LRFN5: variants seen among roughly 807,000 people sequenced by gnomAD.
LRFN5 encodes leucine-rich repeat and fibronectin type-III domain-containing protein 5.
A neutral mutation model predicts 45.6 loss-of-function variants in LRFN5; 24 were observed. That is an observed-to-expected ratio of 0.53 (90% CI 0.38 to 0.74). LRFN5 has a LOEUF of 0.74. LRFN5 is among the 30% of genes least tolerant of loss of function. LRFN5 has a pLI of 0.00. For missense variants in LRFN5, 776 were observed against 861.5 expected (o/e 0.90, Z 1.24); for synonymous variants, 340 against 313.8 (o/e 1.08, Z -0.88).
chr14:41,651,713 A>C (rs1386416980), intron 1 of LRFN5, among the ~76,000 whole-genome samples: 2 of 152,202 alleles, frequency 1.3e-5, no homozygotes, highest in African/African-American at 4.8e-5. Context: ...TACTAAGCAA[A>C]GCATACTATA....
At chr14:41,859,081 A>G (rs561307038) in intron 2 of LRFN5, among the ~76,000 whole-genome samples, 1 of 152,284 alleles carries the variant, frequency 6.6e-6, no homozygotes, top group East Asian at 1.9e-4. Flanking sequence ...GACTTGTAGC[A>G]TTTATGAATT....
intron 1 of LRFN5, among the ~76,000 whole-genome samples, chr14:41,673,294 G>C (rs920330373): frequency 6.6e-6 from 1 of 151,630 alleles, no homozygotes. Context: ...AGGGGCAGCC[G>C]GGCAGAGGCG....
chr14:41,752,167 A>T lies in LRFN5; in HGVS notation c.-196-14687A>T, dbSNP rs570328177. On this transcript the variant is annotated intron_variant, in intron 1 of 5. Transcript: ENST00000298119. Reference sequence around the variant, plus strand: ...ATTTTCTTAATCCAGTCTATCATTTATGGACATTTGGGTTGGTTCCAAGTC... The same window carrying T: ...ATTTTCTTAATCCAGTCTATCATTTTTGGACATTTGGGTTGGTTCCAAGTC... Among the ~76,000 whole-genome samples, 1,106 of 152,228 alleles carry T rather than the reference A, an allele frequency of 7.3e-3. 5 individuals carry two copies. Among genetic ancestry groups the T allele is most frequent in the Middle Eastern group, 0.02 (6 of 294 alleles).
At chr14:41,810,571 A>G (rs1056598683) in intron 2 of LRFN5, among the ~76,000 whole-genome samples, 8 of 152,064 alleles carry the variant, frequency 5.3e-5, no homozygotes, top group African/African-American at 1.9e-4. Flanking sequence ...CTTACGCAAT[A>G]TTTACATGGC....
chr14:41,887,035 T>C lies in LRFN5; in HGVS notation c.410T>C (p.Leu137Ser). The C allele has an allele frequency of 6.2e-7, 1 of 1,614,182 alleles. No individual in the cohort carries two copies. Among genetic ancestry groups the C allele is most frequent in the South Asian group, 1.1e-5 (1 of 91,086 alleles). Residue 137 changes from leucine (L) to serine (S), a missense_variant, in exon 3 of 6, where the codon TTA becomes TCA. Leu to Ser is a moderately radical substitution (Grantham distance 145, BLOSUM62 -2). Transcript: ENST00000298119. The surrounding 1 kb of genome is among the most constrained non-coding windows in gnomAD (Gnocchi z 4.8). ...ATACTGAACAACAATCAGCTGACTT[T>C]AATTTCCTCTACAGCGTTTGATGAT... ...HLILNNNQLT[L>S]ISSTAFDDVF...
At chr14:41,781,566 A>AAG (rs1162681232) in intron 2 of LRFN5, among the ~76,000 whole-genome samples, 1 of 38,468 alleles carries the variant, frequency 2.6e-5, no homozygotes, top group Non-Finnish European at 4.5e-5. Flanking sequence ...AAGAGAAAGA[A>AAG]AGAAAGAAAG....
intron 2 of LRFN5, among the ~76,000 whole-genome samples, chr14:41,789,518 A>G (rs1886843407): frequency 6.6e-6 from 1 of 151,964 alleles, no homozygotes; most frequent in East Asian, 1.9e-4. Context: ...TAATGCACAC[A>G]TGCCCTTTGG....
chr14:41,862,081 T>C (rs936777035), intron 2 of LRFN5, among the ~76,000 whole-genome samples: 1 of 152,214 alleles, frequency 6.6e-6, no homozygotes, highest in African/African-American at 2.4e-5. Context: ...ATGTAAGACG[T>C]GCCATGCTTT....
chr14:41,741,254 G>C (rs1031081809), intron 1 of LRFN5, among the ~76,000 whole-genome samples: 7 of 151,654 alleles, frequency 4.6e-5, no homozygotes, highest in Non-Finnish European at 2.9e-5. Flanking sequence ...TGAAGCAATT[G>C]AGCAAAAAGA....
chr14:41,684,169 G>C (rs749245437), intron 1 of LRFN5, among the ~76,000 whole-genome samples: 6 of 152,108 alleles, frequency 3.9e-5, no homozygotes, highest in Non-Finnish European at 8.8e-5. Context: ...AAGGTGCCAG[G>C]AACATACAAT....
intron 1 of LRFN5, among the ~76,000 whole-genome samples, chr14:41,708,721 T>TC (rs1178007545): frequency 1.3e-5 from 2 of 151,634 alleles, no homozygotes; most frequent in African/African-American, 4.8e-5. Flanking sequence ...TGAATTCCTT[T>TC]TTTTTTTTAC....
intron 1 of LRFN5, among the ~76,000 whole-genome samples, chr14:41,637,218 C>G (rs1879346222): frequency 6.6e-6 from 1 of 152,112 alleles, no homozygotes; most frequent in African/African-American, 2.4e-5. Flanking sequence ...GAGGCCCTAT[C>G]CTAGTCAGGC....
chr14:41,774,110 G>A (rs1886191841), intron 2 of LRFN5, among the ~76,000 whole-genome samples: 1 of 152,176 alleles, frequency 6.6e-6, no homozygotes, highest in African/African-American at 2.4e-5. Context: ...AGGACCAGGA[G>A]AGATTTATGT....
intron 2 of LRFN5, among the ~76,000 whole-genome samples, chr14:41,772,307 A>T (rs1050158014): frequency 6.6e-6 from 1 of 152,226 alleles, no homozygotes; most frequent in East Asian, 1.9e-4. Context: ...GGAGACAAAC[A>T]TCCAAACCAT....
intron 1 of LRFN5, among the ~76,000 whole-genome samples, chr14:41,612,205 A>G (rs1327341412): frequency 1.3e-5 from 2 of 152,132 alleles, no homozygotes; most frequent in Non-Finnish European, 2.9e-5. Flanking sequence ...GCTTGCAGGT[A>G]TCTAACAATA....
At chr14:41,634,541 G>A (rs1271148144) in intron 1 of LRFN5, among the ~76,000 whole-genome samples, 1 of 152,076 alleles carries the variant, frequency 6.6e-6, no homozygotes, top group African/African-American at 2.4e-5. Context: ...CATATAATTT[G>A]GTAACTAGGG....
At chr14:41,668,312 A>G (rs1881003008) in intron 1 of LRFN5, among the ~76,000 whole-genome samples, 1 of 152,158 alleles carries the variant, frequency 6.6e-6, no homozygotes, top group African/African-American at 2.4e-5. Flanking sequence ...TCTAGATTGA[A>G]AATTTTGTAG....
rs1249014695 is a variant in LRFN5, at chr14:41,904,214, C to T, written c.*39C>T. 1 of 1,607,682 alleles carries T rather than the reference C, an allele frequency of 6.2e-7. No individual in the cohort carries two copies. The highest frequency in any genetic ancestry group is 2.2e-5 in the East Asian group (1 of 44,786). On this transcript the variant is annotated 3_prime_UTR_variant, in exon 6 of 6. Transcript: ENST00000298119. ...TCCTCTCTCTCCTGAAAAAATTTGC[C>T]ACTGATATTTTTACTGGATAAAATT...
rs180803513 is a variant in LRFN5, at chr14:41,612,972, A to G, written c.-197+4410A>G. Among the ~76,000 whole-genome samples the G allele has an allele frequency of 4.5e-4, 68 of 152,208 alleles. No homozygotes were observed. In the East Asian group the frequency reaches 0.013, roughly 28 times the overall value. ...GACAAAATGATTTTTAATAAACATA[A>G]TTTAATTTTACATAAACATTTTATG... On this transcript the variant is annotated intron_variant, in intron 1 of 5. Coordinates refer to ENST00000298119, the MANE Select transcript of LRFN5 (RefSeq NM_152447.5).
Sources: allele counts gnomAD v4.1 joint callset (sites outside exome capture counted in the v4.1 genomes callset), GRCh38; gene constraint gnomAD v4.1.1; non-coding constraint Gnocchi (gnomAD v3.1); transcripts MANE v1.5; gene names NCBI Gene and HGNC (gene_info 2026-07-23, HGNC 2026-07-21).